The following COL4A1 variants were observed in gnomAD, a reference collection of about 807,000 sequenced individuals.
COL4A1 encodes collagen alpha-1(IV) chain.
In COL4A1, 40 loss-of-function variants were observed where a neutral mutation model predicts 216.6. The ratio of observed to expected loss-of-function variants is 0.18; its 90% CI spans 0.14 to 0.24. The LOEUF (loss-of-function observed/expected upper bound fraction) is 0.24. Ranked by LOEUF, COL4A1 falls within the 10% of genes least tolerant of loss-of-function variation. The pLI is 1.00. For missense variants in COL4A1, 1,628 were observed against 2,196.8 expected, an observed-to-expected ratio of 0.74 and a Z score of 5.18; for synonymous variants, 839 against 810.7, an observed-to-expected ratio of 1.03 and a Z score of -0.59.
At chr13:110,304,447 G>A (rs1309710707) in intron 1 of COL4A1, among the ~76,000 whole-genome samples, 1 of 152,168 alleles carries the variant, frequency 6.6e-6, no homozygotes, top group Non-Finnish European at 1.5e-5. Context: ...CTGTTAAGAA[G>A]CATCACACAG....
intron 1 of COL4A1, among the ~76,000 whole-genome samples, chr13:110,249,818 G>A (rs1433136463): frequency 6.6e-6 from 1 of 152,120 alleles, no homozygotes; most frequent in East Asian, 1.9e-4. Context: ...GCCAAATGTT[G>A]TAGTACAAAT....
At chr13:110,155,989 G>T (rs1876769174) in intron 49 of COL4A1, among the ~76,000 whole-genome samples, 1 of 152,220 alleles carries the variant, frequency 6.6e-6, no homozygotes, top group African/African-American at 2.4e-5. Flanking sequence ...CCTGAGGCCA[G>T]GAGTTCAAGG....
chr13:110,287,318 G>A (rs944644573), intron 1 of COL4A1, among the ~76,000 whole-genome samples: 15 of 152,164 alleles, frequency 9.9e-5, no homozygotes, highest in African/African-American at 2.7e-4. Context: ...CCTAAAGCCC[G>A]AGGCCAGCCA....
At chr13:110,257,391 A>G (rs1203393258) in intron 1 of COL4A1, among the ~76,000 whole-genome samples, 1 of 152,206 alleles carries the variant, frequency 6.6e-6, no homozygotes, top group African/African-American at 2.4e-5. Flanking sequence ...AACTCTCCAT[A>G]AGAATATGGA....
At chr13:110,299,282 C>G (rs556045483) in intron 1 of COL4A1, among the ~76,000 whole-genome samples, 1 of 152,292 alleles carries the variant, frequency 6.6e-6, no homozygotes, top group Non-Finnish European at 1.5e-5. Flanking sequence ...TGCAGATTCT[C>G]GGCATACCCC....
chr13:110,152,869 ATGT>A (rs1876574693), intron 50 of COL4A1, among the ~76,000 whole-genome samples: 2 of 152,282 alleles, frequency 1.3e-5, no homozygotes, highest in South Asian at 4.1e-4. Context: ...TGTTCAAATA[ATGT>A]TGTAAACAAC....
At position 110,217,451 on chromosome 13, in the gene COL4A1, A is replaced by G; in HGVS notation, c.145-3436T>C. ...GAGTCAGGGAGCAACAGGACCCTCG[A>G]TCATCTGTTTCCCATGGTGTGCTCA... On this transcript the variant is annotated intron_variant, in intron 2 of 51. Transcript: ENST00000375820. 1.3e-5 allele frequency among the ~76,000 whole-genome samples: 2 copies of G among 152,210 alleles called. 1 individual carries two copies. The highest frequency in any genetic ancestry group is 2.9e-5 in the Non-Finnish European group (2 of 68,038).
chr13:110,261,003 C>T (rs1040621811), intron 1 of COL4A1, among the ~76,000 whole-genome samples: 4 of 111,958 alleles, frequency 3.6e-5, no homozygotes, highest in Non-Finnish European at 6.5e-5. Flanking sequence ...CGCCACTGCG[C>T]TCCAGCCTGG....
intron 2 of COL4A1, among the ~76,000 whole-genome samples, chr13:110,233,947 C>G (rs1219439004): frequency 1.3e-5 from 2 of 152,344 alleles, no homozygotes; most frequent in African/African-American, 4.8e-5. Flanking sequence ...AAATACTTAG[C>G]TGGATGGGGA....
chr13:110,160,399 C>T (rs1489927717), intron 49 of COL4A1, among the ~76,000 whole-genome samples: 6 of 90,696 alleles, frequency 6.6e-5, no homozygotes, highest in East Asian at 1.0e-3. Flanking sequence ...GCCGAGATTG[C>T]GCCACTGCAG....
At chr13:110,160,973 T>C in intron 49 of COL4A1, 3 of 588,970 alleles carry the variant, frequency 5.1e-6, no homozygotes, top group East Asian at 6.1e-5. Flanking sequence ...CTTCCCAAAG[T>C]GTTGGGATTA....
rs200602331 is a variant in COL4A1, at chr13:110,192,818, T to C, written c.1465+12A>G. 4.3e-6 allele frequency: 7 copies of C among 1,611,778 alleles called. No individual in the cohort carries two copies. The Admixed American group carries it at 1.2e-4, about 27-fold the overall frequency. Reference sequence around the variant, plus strand: ...AAACTCTGACCTGGTCCTTTTCACATGTGGGTCTTACCTATTTCTCCCGGG... The same window carrying C: ...AAACTCTGACCTGGTCCTTTTCACACGTGGGTCTTACCTATTTCTCCCGGG... On this transcript the variant is annotated intron_variant, in intron 23 of 51. Coordinates refer to ENST00000375820, the MANE Select transcript of COL4A1 (RefSeq NM_001845.6).
At chr13:110,220,913 G>A (rs1391975051) in intron 2 of COL4A1, among the ~76,000 whole-genome samples, 1 of 152,202 alleles carries the variant, frequency 6.6e-6, no homozygotes, top group Non-Finnish European at 1.5e-5. Context: ...TCTGGCCCCA[G>A]GATTCTTGAG....
intron 48 of COL4A1, 37 bp from the exon 49 acceptor site, chr13:110,161,406 T>A: frequency 6.4e-7 from 1 of 1,568,988 alleles, no homozygotes; most frequent in Non-Finnish European, 8.6e-7. Flanking sequence ...ATGTTTCCTT[T>A]ATAATTCACA....
rs144322258 is a variant in COL4A1, at chr13:110,243,251, C to T, written c.85-517G>A. Among the ~76,000 whole-genome samples the T allele has an allele frequency of 1.6e-4, 24 of 152,178 alleles. No individual in the cohort carries two copies. The East Asian group carries it at 1.7e-3, about 11-fold the overall frequency. The stretch of plus-strand genomic sequence containing the variant: ...TTTAAGCCCCAATCTTAAAGAACTC[C>T]TTTTTGAATTCAATTAAAGCTTGAA... On this transcript the variant is annotated intron_variant, in intron 1 of 51. Coordinates refer to ENST00000375820, the MANE Select transcript of COL4A1 (RefSeq NM_001845.6).
Position 110,186,282 on chromosome 13 carries a change from C to A in COL4A1, c.1897+103G>T, listed in dbSNP as rs115456674. The A allele has an allele frequency of 2.1e-4, 304 of 1,415,894 alleles. No individual in the cohort carries two copies. The African/African-American group carries it at 4.1e-3, about 19-fold the overall frequency. The allele number at this position is 1,415,894 out of a possible 1,614,324, so 87.7% of individuals were successfully genotyped here. On this transcript the variant is annotated intron_variant, in intron 26 of 51. Coordinates refer to ENST00000375820, the MANE Select transcript of COL4A1 (RefSeq NM_001845.6). ...CCTGGAAGAATCAAAGCCAAGTGTG[C>A]GCCCTGGCCTATGCGAACCCCAGGC...
At chr13:110,200,796 T>G in intron 20 of COL4A1, 58 bp downstream of exon 20, 2 of 1,518,400 alleles carry the variant, frequency 1.3e-6, no homozygotes, top group Non-Finnish European at 1.8e-6. Flanking sequence ...ATATTCAGAA[T>G]ATAAACAGCA....
chr13:110,203,383 C>T (rs1484861621), intron 18 of COL4A1, among the ~76,000 whole-genome samples, 183 bp downstream of exon 18: 2 of 152,180 alleles, frequency 1.3e-5, no homozygotes, highest in Admixed American at 6.5e-5. Context: ...AACCACTTTA[C>T]ATAACAAATG....
chr13:110,212,880 A>G (rs1879882125), intron 4 of COL4A1, among the ~76,000 whole-genome samples: 1 of 152,190 alleles, frequency 6.6e-6, no homozygotes, highest in South Asian at 2.1e-4. Flanking sequence ...GTACCTACCA[A>G]CCAACGAGTG....
Sources: allele counts gnomAD v4.1 joint callset (sites outside exome capture counted in the v4.1 genomes callset), GRCh38; gene constraint gnomAD v4.1.1; transcripts MANE v1.5; gene names NCBI Gene and HGNC (gene_info 2026-07-23, HGNC 2026-07-21).